The following XPO6 variants were observed in gnomAD, a reference collection of about 807,000 sequenced individuals.
The protein encoded by XPO6 is exportin 6.
Under a neutral mutation model 130.0 loss-of-function variants are expected in XPO6, and 3 were observed. The observed-to-expected ratio is 0.02, with a 90% CI of 0.01 to 0.06. The LOEUF is 0.06. Among genes scored for constraint, XPO6 ranks in the 10% least tolerant of loss-of-function variants. The pLI is 1.00. For synonymous variants in XPO6, 524 were observed against 548.9 expected (o/e 0.95, Z 0.63); for missense variants, 970 against 1,393.0 (o/e 0.70, Z 4.83).
rs2086584337 is a variant in XPO6, at chr16:28,098,594, G to C, written c.3322C>G (p.Leu1108Val). 6.2e-7 allele frequency: 1 copy of C among 1,613,102 alleles called. No homozygotes were observed. The highest frequency in any genetic ancestry group is 1.3e-5 in the African/African-American group (1 of 75,032). ...TCGTTGCAGAGTCTGTAGTAGCGCA[G>C]GTCGTTGACCAGCCTGTGCACATTC... ...TQNVHRLVNDLRYYRLCNDSL... is the reference protein window; with the variant it reads ...TQNVHRLVNDVRYYRLCNDSL... Residue 1108 changes from leucine to valine, a missense_variant, in exon 24 of 24, where the codon CTG (leucine) becomes GTG (valine). Coordinates refer to ENST00000304658, the MANE Select transcript of XPO6 (RefSeq NM_015171.4).
chr16:28,128,818 C>A (rs1339254135), intron 12 of XPO6, among the ~76,000 whole-genome samples: 15 of 152,184 alleles, frequency 9.9e-5, no homozygotes, highest in Admixed American at 8.5e-4. Context: ...TTGCTCATCA[C>A]CCCTGGCCCA....
intron 1 of XPO6, among the ~76,000 whole-genome samples, chr16:28,186,374 C>CCTTTTTTTTTTTTT (rs2043693561): frequency 1.2e-5 from 1 of 81,442 alleles, no homozygotes; most frequent in Non-Finnish European, 2.1e-5. Flanking sequence ...CCCAGTTATT[C>CCTTTTTTTTTTTTT]TTTTTTTTTT....
At chr16:28,104,409 A>G (rs765124282) in intron 21 of XPO6, 137 bp downstream of exon 21, 2 of 1,153,466 alleles carry the variant, frequency 1.7e-6, no homozygotes, top group Non-Finnish European at 2.4e-6. Context: ...TGAGGCTCCA[A>G]GAAATTAATT....
At chr16:28,157,158 T>A (rs192758182) in intron 6 of XPO6, among the ~76,000 whole-genome samples, 22 of 152,086 alleles carry the variant, frequency 1.4e-4, no homozygotes, top group African/African-American at 5.3e-4. Context: ...ATAACAAAAT[T>A]AAGATTTTCT....
intron 7 of XPO6, chr16:28,153,562 T>C (rs2043132080): frequency 2.2e-5 from 22 of 985,382 alleles, no homozygotes; most frequent in Non-Finnish European, 2.7e-5. Flanking sequence ...CAGAAGAGTA[T>C]GGGTCACAGC....
chr16:28,181,010 T>C lies in XPO6; in HGVS notation c.25A>G (p.Arg9Gly). The C allele has an allele frequency of 1.2e-6, 2 of 1,612,834 alleles. No homozygotes were observed. The highest frequency in any genetic ancestry group is 4.5e-5 in the East Asian group (2 of 44,836). Residue 9 changes from arginine (R) to glycine (G), a missense_variant, in exon 2 of 24, where the codon AGG becomes GGG. Around this residue, in one of 4 missense-constraint regions of XPO6, gnomAD observed 21 missense variants for 34.8 expected, o/e 0.60. Coordinates refer to ENST00000304658, the MANE Select transcript of XPO6 (RefSeq NM_015171.4). ...TCTGTCATCAGACTTTCCAATGCCC[T>C]GAGAGAGGCTTCTTCAGATGCCTAA... Reference protein sequence around the residue: MASEEASLRALESLMTEFF... With the variant: MASEEASLGALESLMTEFF...
intron 14 of XPO6, 124 bp downstream of exon 14, chr16:28,121,546 G>A: frequency 1.3e-6 from 1 of 767,758 alleles, no homozygotes; most frequent in South Asian, 1.5e-5. Context: ...TTCTAGGTTT[G>A]CAGTTTAAGA....
In XPO6 at chr16:28,166,863, G is replaced by A. The variant is rs2043365093; in HGVS notation, c.566-278C>T. ...CACCTGGTTGCTGCATGCACTCACT[G>A]GTCACTTAATCCCCATCCTCCTTGA... On this transcript the variant is annotated intron_variant, in intron 5 of 23. Coordinates refer to ENST00000304658, the MANE Select transcript of XPO6 (RefSeq NM_015171.4). The A allele has an allele frequency of 4.1e-6, 4 of 973,066 alleles. No individual in the cohort carries two copies. In the South Asian group the frequency reaches 1.9e-4, roughly 46 times the overall value. 60.3% of individuals were successfully genotyped at this position (973,066 alleles called of 1,614,324 possible).
chr16:28,155,051 G>A (rs1390974304), intron 7 of XPO6, among the ~76,000 whole-genome samples: 5 of 152,114 alleles, frequency 3.3e-5, no homozygotes, highest in African/African-American at 1.2e-4. Flanking sequence ...ATAATCTTAT[G>A]TACCAATTTT....
At chr16:28,164,343 C>G (rs1454090653) in intron 6 of XPO6, among the ~76,000 whole-genome samples, 2 of 152,204 alleles carry the variant, frequency 1.3e-5, no homozygotes, top group African/African-American at 4.8e-5. Context: ...CGCACAAAGA[C>G]AGTTGAACAA....
At chr16:28,104,352 A>G (rs2086725000) in intron 21 of XPO6, among the ~76,000 whole-genome samples, 194 bp downstream of exon 21, 5 of 152,126 alleles carry the variant, frequency 3.3e-5, no homozygotes, top group Admixed American at 3.3e-4. Flanking sequence ...CCTCACAACA[A>G]ACCTGTGACC....
At chr16:28,186,374 C>CTTTTTTTTTTTTTCTTTTT (rs2043694264) in intron 1 of XPO6, among the ~76,000 whole-genome samples, 1 of 81,442 alleles carries the variant, frequency 1.2e-5, no homozygotes, top group African/African-American at 6.6e-5. Flanking sequence ...CCCAGTTATT[C>CTTTTTTTTTTTTTCTTTTT]TTTTTTTTTT....
At chr16:28,154,417 G>T in intron 7 of XPO6, 1 of 490,674 alleles carries the variant, frequency 2.0e-6, no homozygotes, top group Non-Finnish European at 2.6e-6. Flanking sequence ...CCCACCTTCT[G>T]GTACAGGTGC....
chr16:28,116,172 T>G (rs1325779054), intron 15 of XPO6, among the ~76,000 whole-genome samples: 1 of 152,312 alleles, frequency 6.6e-6, no homozygotes, highest in African/African-American at 2.4e-5. Flanking sequence ...CTCAAGAGCC[T>G]TTGGCCAGGC....
intron 6 of XPO6, among the ~76,000 whole-genome samples, chr16:28,160,990 C>T (rs2043269572): frequency 1.3e-5 from 2 of 152,184 alleles, no homozygotes; most frequent in Non-Finnish European, 2.9e-5. Flanking sequence ...CTCCCAACTG[C>T]TTCTGCCTTC....
At chr16:28,114,199 C>CAAA (rs71389524) in intron 15 of XPO6, among the ~76,000 whole-genome samples, 91 of 97,692 alleles carry the variant, frequency 9.3e-4, no homozygotes, top group African/African-American at 2.8e-3. Flanking sequence ...TACATCCTCA[C>CAAA]AAAAAAAAAA....
At chr16:28,158,873 G>A (rs1479867319) in intron 6 of XPO6, among the ~76,000 whole-genome samples, 2 of 152,184 alleles carry the variant, frequency 1.3e-5, no homozygotes, top group East Asian at 3.9e-4. Context: ...CAAACAAAAT[G>A]AAACAGGGGA....
chr16:28,185,936 A>T (rs2043684977), intron 1 of XPO6, among the ~76,000 whole-genome samples: 1 of 152,194 alleles, frequency 6.6e-6, no homozygotes, highest in Non-Finnish European at 1.5e-5. Flanking sequence ...TTAAAACTGC[A>T]AAGGTGATAA....
chr16:28,193,789 C>T (rs150856808), intron 1 of XPO6, among the ~76,000 whole-genome samples: 186 of 152,282 alleles, frequency 1.2e-3, no homozygotes, highest in Non-Finnish European at 2.3e-3. Flanking sequence ...ACGCATCACC[C>T]GTCCCACGAT....
Sources: gnomAD v4.1 joint callset for allele counts (sites outside exome capture counted in the v4.1 genomes callset) on GRCh38, gnomAD v4.1.1 for gene constraint, gnomAD v4.1.1 regional missense constraint, MANE v1.5 for transcripts, NCBI Gene and HGNC (gene_info 2026-07-23, HGNC 2026-07-21) for gene names.